The following HIP1 variants were observed in gnomAD, a reference collection of about 807,000 sequenced individuals.
The protein encoded by HIP1 is huntingtin-interacting protein 1.
In HIP1, 65 loss-of-function variants were observed where a neutral mutation model predicts 147.6. The ratio of observed to expected loss-of-function variants is 0.44; its 90% CI spans 0.36 to 0.54. HIP1 has a LOEUF of 0.54. Ranked by LOEUF, HIP1 falls within the 20% of genes least tolerant of loss-of-function variation. The probability of loss-of-function intolerance (pLI) is 0.00; values close to 1 mark genes in which losing one functional copy is unlikely to be tolerated. For synonymous variants in HIP1, 479 were observed against 504.0 expected (o/e 0.95, Z 0.67); for missense variants, 1,061 against 1,299.6 (o/e 0.82, Z 2.82).
At chr7:75,719,729 C>G (rs1801443687) in intron 1 of HIP1, among the ~76,000 whole-genome samples, 1 of 152,104 alleles carries the variant, frequency 6.6e-6, no homozygotes, top group Non-Finnish European at 1.5e-5. Flanking sequence ...CCTCCACGCT[C>G]TTTTAATGGA....
intron 2 of HIP1, among the ~76,000 whole-genome samples, chr7:75,593,432 A>G (rs2116976165): frequency 6.6e-6 from 1 of 152,124 alleles, no homozygotes; most frequent in East Asian, 1.9e-4. Flanking sequence ...GGAGTTTAAG[A>G]TCAGCCTGAC....
Position 75,738,868 on chromosome 7 carries a change from A to C in HIP1, c.53T>G (p.Val18Gly). 2 of 1,577,372 alleles carry C rather than the reference A, an allele frequency of 1.3e-6. No individual in the cohort carries two copies. The highest frequency in any genetic ancestry group is 1.7e-6 in the Non-Finnish European group (2 of 1,163,658). Residue 18 changes from valine (V) to glycine (G), a missense_variant, in exon 1 of 31, where the codon GTG becomes GGG. Val to Gly is a moderately radical substitution (Grantham distance 109). This residue lies in a region of HIP1 where 225 missense variants were observed against 292.9 expected (regional missense o/e 0.77). Coordinates refer to ENST00000336926, the MANE Select transcript of HIP1 (RefSeq NM_005338.7). ...AGCGCCGACCCCGCGCCGGCTCAGC[A>C]CCTTGGGCAGTGGGTTGGGCACCTG... ...MKQVPNPLPK[V>G]LSRRGVGAGL...
At chr7:75,544,063 T>C (rs1282750126) in intron 27 of HIP1, among the ~76,000 whole-genome samples, 1 of 151,164 alleles carries the variant, frequency 6.6e-6, no homozygotes, top group African/African-American at 2.4e-5. Flanking sequence ...TCCCAGCTAC[T>C]CGGGAGGCTG....
chr7:75,553,658 T>G, intron 21 of HIP1, 69 bp from the exon 22 acceptor site: 1 of 1,464,032 alleles, frequency 6.8e-7, no homozygotes, highest in Non-Finnish European at 9.4e-7. Flanking sequence ...CAGGCTGGAG[T>G]GCAGTGGCGC....
At chr7:75,604,101 GGC>G (rs10538212) in intron 1 of HIP1, among the ~76,000 whole-genome samples, 26,700 of 151,878 alleles carry the variant, frequency 0.18, 3,762 homozygotes, top group African/African-American at 0.39. Flanking sequence ...TTCTTCCCCT[GGC>G]ACCATAGGCC....
At chr7:75,563,285 AGGGGTGCT>A (rs1554494958) in intron 9 of HIP1, 22 bp from the exon 10 acceptor site, 1 of 1,611,856 alleles carries the variant, frequency 6.2e-7, no homozygotes, top group Non-Finnish European at 8.5e-7. Flanking sequence ...GAAGGACCTG[AGGGGTGCT>A]GGGTGTCTTC....
At chr7:75,695,583 G>GCTA (rs201192855) in intron 1 of HIP1, among the ~76,000 whole-genome samples, 1 of 150,928 alleles carries the variant, frequency 6.6e-6, no homozygotes, top group African/African-American at 2.4e-5. Context: ...TTTTGTTGTT[G>GCTA]TCTGTTTTTT....
chr7:75,708,109 T>G (rs1414624863), intron 1 of HIP1, among the ~76,000 whole-genome samples: 1 of 148,522 alleles, frequency 6.7e-6, no homozygotes, highest in Non-Finnish European at 1.5e-5. Context: ...TGGGATCTAA[T>G]TAAACTAAAG....
At chr7:75,639,590 T>TGC (rs1554510182) in intron 1 of HIP1, among the ~76,000 whole-genome samples, 2,948 of 150,116 alleles carry the variant, frequency 0.02, 72 homozygotes, top group East Asian at 0.1. Flanking sequence ...TGTGTGTGTG[T>TGC]GTGCGCCCGC....
At chr7:75,588,820 GA>G (rs1448586326) in intron 4 of HIP1, among the ~76,000 whole-genome samples, 3 of 151,502 alleles carry the variant, frequency 2.0e-5, no homozygotes, top group African/African-American at 7.3e-5. Flanking sequence ...AAGCAGATTT[GA>G]AAAAAAATAA....
rs782449312 is a variant in HIP1, at chr7:75,557,640, C to G, written c.1581+14G>C. On this transcript the variant is annotated intron_variant, in intron 16 of 30. Coordinates refer to ENST00000336926, the MANE Select transcript of HIP1 (RefSeq NM_005338.7). ...CCCCTCCCTCATTTCCCGAGTGCTC[C>G]TCGTCCCACTCACCTTCCGCTGGCC... 1 of 1,593,090 alleles carries G rather than the reference C, an allele frequency of 6.3e-7. No individual in the cohort carries two copies. Among genetic ancestry groups the G allele is most frequent in the Admixed American group, 1.7e-5 (1 of 59,984 alleles).
At chr7:75,631,708 C>T (rs782168105) in intron 1 of HIP1, among the ~76,000 whole-genome samples, 5 of 152,072 alleles carry the variant, frequency 3.3e-5, no homozygotes, top group Admixed American at 1.3e-4. Context: ...TTTGGGGCTC[C>T]GGAGCAGGGG....
At chr7:75,691,546 C>G (rs1209487234) in intron 1 of HIP1, among the ~76,000 whole-genome samples, 1 of 151,774 alleles carries the variant, frequency 6.6e-6, no homozygotes, top group African/African-American at 2.4e-5. Context: ...TGCCTGTAAT[C>G]CCAGCACTTT....
chr7:75,725,289 G>A (rs970896379), intron 1 of HIP1, among the ~76,000 whole-genome samples: 5 of 152,062 alleles, frequency 3.3e-5, no homozygotes, highest in Admixed American at 1.3e-4. Context: ...GCCACCCAAA[G>A]TGCTGTGATT....
chr7:75,685,670 TC>T (rs1195387299), intron 1 of HIP1, among the ~76,000 whole-genome samples: 2 of 152,224 alleles, frequency 1.3e-5, no homozygotes, highest in African/African-American at 4.8e-5. Context: ...TGCCTCAGCC[TC>T]CCACGTAGCT....
At chr7:75,710,310 A>G (rs557534391) in intron 1 of HIP1, among the ~76,000 whole-genome samples, 2 of 152,316 alleles carry the variant, frequency 1.3e-5, no homozygotes, top group Admixed American at 6.5e-5. Context: ...GGTGTATTAC[A>G]TTGACCAGTT....
At chr7:75,645,351 C>G (rs550339825) in intron 1 of HIP1, among the ~76,000 whole-genome samples, 2 of 152,004 alleles carry the variant, frequency 1.3e-5, no homozygotes, top group African/African-American at 4.8e-5. Context: ...CTCAGCCTCC[C>G]GAGTAGCTGG....
intron 24 of HIP1, 45 bp from the exon 25 acceptor site, chr7:75,547,077 G>T: frequency 2.0e-6 from 3 of 1,466,510 alleles, no homozygotes; most frequent in Non-Finnish European, 2.8e-6. Context: ...CAAGATCCAA[G>T]ATCAATGAAC....
intron 24 of HIP1, among the ~76,000 whole-genome samples, chr7:75,547,306 C>T (rs587686782): frequency 7.9e-4 from 121 of 152,296 alleles, no homozygotes; most frequent in Non-Finnish European, 1.4e-3. Flanking sequence ...CTTGCTCTGT[C>T]GCCCAGGCTA....
Sources: allele counts gnomAD v4.1 joint callset (sites outside exome capture counted in the v4.1 genomes callset), GRCh38; gene constraint gnomAD v4.1.1; regional missense constraint gnomAD v4.1.1; transcripts MANE v1.5; gene names NCBI Gene and HGNC (gene_info 2026-07-23, HGNC 2026-07-21).